ATAD2B: variants seen among roughly 807,000 people sequenced by gnomAD.
ATAD2B encodes the protein ATPase family AAA domain-containing protein 2B.
ATAD2B carries 40 observed loss-of-function variants against 167.6 expected under a neutral mutation model. That is an observed-to-expected ratio of 0.24 (90% confidence interval 0.19 to 0.31). The LOEUF (loss-of-function observed/expected upper bound fraction) is 0.31. Ranked by LOEUF, ATAD2B falls within the 10% of genes least tolerant of loss-of-function variation. ATAD2B has a pLI of 1.00. For synonymous variants in ATAD2B, 579 were observed against 596.5 expected, an observed-to-expected ratio of 0.97 and a Z score of 0.43; for missense variants, 1,242 against 1,757.2, an observed-to-expected ratio of 0.71 and a Z score of 5.24.
downstream of ATAD2B, among the ~76,000 whole-genome samples, chr2:23,747,541 C>A (rs1412077037): frequency 6.6e-6 from 1 of 152,034 alleles, no homozygotes; most frequent in Non-Finnish European, 1.5e-5. Context: ...TCTCTGAAGT[C>A]TTTCCTTATT....
intron 24 of ATAD2B, among the ~76,000 whole-genome samples, 166 bp downstream of exon 24, chr2:23,762,043 T>TCAGA: frequency 6.6e-6 from 1 of 152,088 alleles, no homozygotes; most frequent in Non-Finnish European, 1.5e-5. Flanking sequence ...GTTAAAGAAA[T>TCAGA]ATATTTCTGA....
At chr2:23,703,955 T>C in the ATAD2B span, 7 of 1,372,408 alleles carry the variant, frequency 5.1e-6, no homozygotes, top group East Asian at 5.1e-5. Context: ...TCAGTGACCA[T>C]AGCAATTCCC....
At chr2:23,698,948 T>C in the ATAD2B span, among the ~76,000 whole-genome samples, 5 of 152,250 alleles carry the variant, frequency 3.3e-5, no homozygotes, top group African/African-American at 9.6e-5. Context: ...CCCAGCTCCT[T>C]CTGCAGGAGC....
rs750865073 is a variant in ATAD2B, at chr2:23,862,401, GTTTTTTT to G, written c.1479+973_1479+979del. Reference sequence around the variant, plus strand: ...CAAAAGTGAATTTATATTTGGACTGGTTTTTTTTTTTTTTTTTTTTTTTTTGAGAGAC... The same window carrying G: ...CAAAAGTGAATTTATATTTGGACTGGTTTTTTTTTTTTTTTTTTGAGAGAC... On this transcript the variant is annotated intron_variant, in intron 12 of 27. Coordinates refer to ENST00000238789, the MANE Select transcript of ATAD2B (RefSeq NM_017552.4). Among the ~76,000 whole-genome samples, 22 of 99,440 alleles carry G rather than the reference GTTTTTTT, an allele frequency of 2.2e-4. No individual in the cohort carries two copies. The South Asian group carries it at 7.0e-3, about 32-fold the overall frequency. The allele number at this position is 99,440 out of a possible 152,430, so 65.2% of individuals were successfully genotyped here. A position where few individuals can be genotyped will look rare whatever the true frequency, so the allele number is the denominator to read the frequency against.
intron 1 of ATAD2B, among the ~76,000 whole-genome samples, chr2:23,898,108 C>G (rs1004145351): frequency 2.6e-5 from 4 of 152,258 alleles, no homozygotes; most frequent in African/African-American, 9.6e-5. Flanking sequence ...TCATGCCCAG[C>G]TAATTTTTTG....
chr2:23,844,935 G>A (rs1011076357), intron 13 of ATAD2B, among the ~76,000 whole-genome samples: 1 of 137,840 alleles, frequency 7.3e-6, no homozygotes, highest in Non-Finnish European at 1.6e-5. Flanking sequence ...TCATTAAATT[G>A]CACAAAACCA....
the ATAD2B span, among the ~76,000 whole-genome samples, chr2:23,729,896 T>A: frequency 4.6e-5 from 7 of 152,012 alleles, no homozygotes; most frequent in Non-Finnish European, 8.8e-5. Flanking sequence ...TTAAGATACA[T>A]GAAGGAAAAA....
intron 13 of ATAD2B, among the ~76,000 whole-genome samples, chr2:23,836,242 T>C (rs1270970891): frequency 1.3e-5 from 2 of 152,078 alleles, no homozygotes. Context: ...GCTCCAGGTG[T>C]TGGCACAGGT....
At chr2:23,695,968 G>A in the ATAD2B span, 14 of 1,551,506 alleles carry the variant, frequency 9.0e-6, no homozygotes, top group South Asian at 4.8e-5. This position sits in a 1 kb window ranked among gnomAD's most constrained non-coding sequence, Gnocchi z 7.6. Context: ...TGAGGTCATC[G>A]TCTTGGTTGG....
chr2:23,788,348 G>C, intron 20 of ATAD2B, 164 bp downstream of exon 20: 1 of 724,932 alleles, frequency 1.4e-6, no homozygotes, highest in South Asian at 2.2e-5. Flanking sequence ...CCAATCTCAA[G>C]TCAGGTGAAC....
At chr2:23,850,562 C>T (rs756649852) in intron 13 of ATAD2B, among the ~76,000 whole-genome samples, 2 of 152,118 alleles carry the variant, frequency 1.3e-5, no homozygotes, top group Non-Finnish European at 2.9e-5. Flanking sequence ...GAAAAAACTA[C>T]ATACTGTTTG....
chr2:23,771,989 C>A (rs1273050531), intron 22 of ATAD2B, among the ~76,000 whole-genome samples: 1 of 152,196 alleles, frequency 6.6e-6, no homozygotes, highest in Non-Finnish European at 1.5e-5. Context: ...CTGGGCTGCT[C>A]CTCCTGGGGC....
chr2:23,876,842 T>C (rs958607359), intron 7 of ATAD2B, among the ~76,000 whole-genome samples: 1 of 151,524 alleles, frequency 6.6e-6, no homozygotes, highest in African/African-American at 2.4e-5. Flanking sequence ...CCGAGGCAGG[T>C]GGATCACCTG....
At chr2:23,738,521 C>G in the ATAD2B span, among the ~76,000 whole-genome samples, 24,652 of 151,956 alleles carry the variant, frequency 0.16, 2,088 homozygotes, top group Middle Eastern at 0.26. Context: ...TCACCACCAG[C>G]CCTGCCCTAA....
intron 13 of ATAD2B, among the ~76,000 whole-genome samples, chr2:23,836,006 T>C (rs1159874088): frequency 6.6e-6 from 1 of 151,948 alleles, no homozygotes; most frequent in African/African-American, 2.4e-5. Context: ...CTTTTCTGGC[T>C]GGAAACCTCT....
intron 2 of ATAD2B, among the ~76,000 whole-genome samples, chr2:23,892,171 T>G (rs1042718029): frequency 6.6e-6 from 1 of 152,168 alleles, no homozygotes; most frequent in African/African-American, 2.4e-5. Context: ...AATCTTTTTT[T>G]TCTTTTTCTT....
At chr2:23,871,094 C>A (rs1021801155) in intron 8 of ATAD2B, among the ~76,000 whole-genome samples, 1 of 146,780 alleles carries the variant, frequency 6.8e-6, no homozygotes, top group Non-Finnish European at 1.5e-5. Flanking sequence ...AGCAGTTCCA[C>A]TAACTAGTAA....
chr2:23,869,583 T>C (rs1341215112), intron 9 of ATAD2B, 80 bp downstream of exon 9: 1 of 935,624 alleles, frequency 1.1e-6, no homozygotes, highest in East Asian at 2.6e-5. Flanking sequence ...TGAATATCAA[T>C]GTTAGCAAAG....
rs568442707 is a variant in ATAD2B at position 23,757,698 on chromosome 2, A to G, written c.3798T>C (p.Asn1266=). Residue 1266 remains asparagine, a synonymous_variant, in exon 25 of 28, where the codon AAT becomes AAC. Coordinates refer to ENST00000238789, the MANE Select transcript of ATAD2B (RefSeq NM_017552.4). ...CAGTGGAAGCCTCACCATTTAGACA[A>G]TTTCCTTTAAGGAAAGTCTCTTTCC... ...TSRKETFLKG[N]CLNGEASTDS... 2.5e-6 allele frequency: 4 copies of G among 1,612,474 alleles called. No homozygotes were observed. The highest frequency in any genetic ancestry group is 1.7e-5 in the Admixed American group (1 of 59,720).
Sources: gnomAD v4.1 joint callset for allele counts (sites outside exome capture counted in the v4.1 genomes callset) on GRCh38, gnomAD v4.1.1 for gene constraint, Gnocchi (gnomAD v3.1) non-coding constraint, MANE v1.5 for transcripts, NCBI Gene and HGNC (gene_info 2026-07-23, HGNC 2026-07-21) for gene names.